Variants in NEK11 observed in about 807,000 individuals in gnomAD.
NEK11 encodes NIMA related kinase 11.
Under a neutral mutation model 80.7 loss-of-function variants are expected in NEK11, and 72 were observed. That is an observed-to-expected ratio of 0.89 (90% CI 0.74 to 1.08). NEK11 has a LOEUF of 1.08. NEK11 is among the 50% of genes least tolerant of loss of function. NEK11 has a pLI of 0.00. For synonymous variants in NEK11, 251 were observed against 260.7 expected (o/e 0.96, Z 0.36); for missense variants, 764 against 763.6 (o/e 1.00, Z -0.01).
intron 16 of NEK11, among the ~76,000 whole-genome samples, chr3:131,271,184 A>C (rs2096178017): frequency 6.6e-6 from 1 of 152,168 alleles, no homozygotes; most frequent in Non-Finnish European, 1.5e-5. Context: ...TCCAGGAGTG[A>C]GAGAAATGGG....
chr3:131,318,149 A>G (rs2096862669), intron 17 of NEK11, among the ~76,000 whole-genome samples: 1 of 152,134 alleles, frequency 6.6e-6, no homozygotes, highest in African/African-American at 2.4e-5. Context: ...GAAAAATTGA[A>G]GGAAGGTGAA....
At chr3:131,144,266 T>C (rs922776696) in intron 7 of NEK11, among the ~76,000 whole-genome samples, 8 of 152,160 alleles carry the variant, frequency 5.3e-5, no homozygotes, top group Non-Finnish European at 1.0e-4. Context: ...CTTGTATTCA[T>C]ACTCCCTCAG....
At chr3:131,178,143 G>A (rs930998411) in intron 14 of NEK11, among the ~76,000 whole-genome samples, 3 of 152,306 alleles carry the variant, frequency 2.0e-5, no homozygotes, top group African/African-American at 7.2e-5. Context: ...ACTTATGAAT[G>A]GAGCTTGCAG....
chr3:131,140,288 T>C (rs955022544), intron 7 of NEK11, among the ~76,000 whole-genome samples: 4 of 152,040 alleles, frequency 2.6e-5, no homozygotes, highest in South Asian at 2.1e-4. Flanking sequence ...GAGTGGCACA[T>C]TGAGAGACCA....
intron 14 of NEK11, among the ~76,000 whole-genome samples, chr3:131,201,487 C>A (rs1273830694): frequency 2.6e-5 from 4 of 152,100 alleles, no homozygotes; most frequent in African/African-American, 4.8e-5. Flanking sequence ...AATGAGAGAG[C>A]AAACTCTGTA....
At chr3:131,223,720 C>T (rs61029149) in intron 14 of NEK11, among the ~76,000 whole-genome samples, 7,137 of 152,090 alleles carry the variant, frequency 0.047, 462 homozygotes, top group African/African-American at 0.15. Flanking sequence ...TGTCAACCCC[C>T]CTTGCAGAGG....
Position 131,301,434 on chromosome 3 carries a change from G to A in NEK11, c.1718+27860G>A, listed in dbSNP as rs978365085. Among the ~76,000 whole-genome samples the A allele has an allele frequency of 8.0e-4, 122 of 151,626 alleles. 1 individual carries two copies. Among genetic ancestry groups the A allele is most frequent in the Non-Finnish European group, 4.0e-4 (27 of 67,902 alleles). ...TGTTGAATAGAAATGGTGAGAATGGGCATCCTTGTCTTGTTCTGTTTCTCA... is the reference window on the plus strand; with the variant it reads ...TGTTGAATAGAAATGGTGAGAATGGACATCCTTGTCTTGTTCTGTTTCTCA... On this transcript the variant is annotated intron_variant, in intron 17 of 17. Transcript: ENST00000383366.
intron 5 of NEK11, among the ~76,000 whole-genome samples, chr3:131,125,029 G>C (rs2083071524): frequency 6.6e-6 from 1 of 152,130 alleles, no homozygotes; most frequent in Non-Finnish European, 1.5e-5. Context: ...GCCTAGTGTT[G>C]CATTGTCTAG....
chr3:131,046,243 C>T lies in NEK11; in HGVS notation c.170+16365C>T, dbSNP rs77099770. Among the ~76,000 whole-genome samples the T allele has an allele frequency of 8.3e-3, 1,261 of 152,062 alleles. 17 individuals carry two copies. Among genetic ancestry groups the T allele is most frequent in the African/African-American group, 0.029 (1,190 of 41,484 alleles). On this transcript the variant is annotated intron_variant, in intron 3 of 17. Transcript: ENST00000383366. ...AAGGAGGTTCTATTTTGGTGTATTG[C>T]GAAAATGTGTTTTCAAGATATAGAA...
At position 131,165,134 on chromosome 3, in the gene NEK11, C is replaced by T. The variant is rs556752591; in HGVS notation, c.1083-292C>T. The T allele has an allele frequency of 2.2e-5, 7 of 314,674 alleles. No individual in the cohort carries two copies. In the South Asian group the frequency reaches 2.5e-4, roughly 11 times the overall value. The allele number at this position is 314,674 out of a possible 1,614,324, so 19.5% of individuals were successfully genotyped here. On this transcript the variant is annotated intron_variant, in intron 11 of 17. Transcript: ENST00000383366. ...GGCACTGTGCTAGGCATTGGGAACA[C>T]ATAGCCCTGTCATTGCACTTGGAGA...
chr3:131,053,258 C>T (rs957327745), intron 3 of NEK11: 12 of 152,202 alleles, frequency 7.9e-5, no homozygotes, highest in African/African-American at 2.9e-4. Flanking sequence ...GTCAACATTT[C>T]CAATGGCAGC....
chr3:131,325,728 G>A (rs2096956601), intron 17 of NEK11: 1 of 152,134 alleles, frequency 6.6e-6, no homozygotes, highest in Non-Finnish European at 1.5e-5. Context: ...CAATTACAAT[G>A]TACAAACATC....
chr3:131,044,713 C>T (rs1324344295), intron 3 of NEK11, among the ~76,000 whole-genome samples: 1 of 151,988 alleles, frequency 6.6e-6, no homozygotes, highest in Non-Finnish European at 1.5e-5. Context: ...GACAGATCAA[C>T]AAGACAGAAA....
intron 5 of NEK11, among the ~76,000 whole-genome samples, chr3:131,114,508 G>A (rs2080705594): frequency 6.6e-6 from 1 of 152,190 alleles, no homozygotes; most frequent in Non-Finnish European, 1.5e-5. Flanking sequence ...TGAAGGAGCA[G>A]CCCTATCCAG....
intron 17 of NEK11, among the ~76,000 whole-genome samples, chr3:131,273,949 G>C (rs2108692755): frequency 6.8e-6 from 1 of 147,360 alleles, no homozygotes; most frequent in Admixed American, 6.7e-5. Flanking sequence ...CTGTACCAGA[G>C]TGGTCTTTTT....
At chr3:131,050,165 A>C (rs1323412386) in intron 3 of NEK11, among the ~76,000 whole-genome samples, 1 of 152,244 alleles carries the variant, frequency 6.6e-6, no homozygotes, top group African/African-American at 2.4e-5. Flanking sequence ...ATAATTTATT[A>C]CCTAGTGATC....
At chr3:131,254,526 G>A (rs1213790261) in intron 16 of NEK11, among the ~76,000 whole-genome samples, 2 of 151,938 alleles carry the variant, frequency 1.3e-5, no homozygotes, top group African/African-American at 2.4e-5. Flanking sequence ...AGAATTGAGG[G>A]GTAACAATTT....
rs1432424519 is a variant in NEK11, at chr3:131,027,934, C to T, written c.-165C>T. 6.6e-6 allele frequency: 1 copy of T among 152,170 alleles called. No individual in the cohort carries two copies. Among genetic ancestry groups the T allele is most frequent in the Non-Finnish European group, 1.5e-5 (1 of 68,040 alleles). 9.4% of individuals were successfully genotyped at this position (152,170 alleles called of 1,614,324 possible). A position where few individuals can be genotyped will look rare whatever the true frequency, so the allele number is the denominator to read the frequency against. ...AATTCTGTCCTTCTCTAAAAGGAAC[C>T]TTAATCTCATCTTTAAAATAAGGAG... On this transcript the variant is annotated 5_prime_UTR_variant, in exon 2 of 18. Coordinates refer to ENST00000383366, the MANE Select transcript of NEK11 (RefSeq NM_024800.5).
intron 17 of NEK11, among the ~76,000 whole-genome samples, chr3:131,288,948 A>ATT (rs1165069070): frequency 6.6e-6 from 1 of 152,230 alleles, no homozygotes; most frequent in Admixed American, 6.5e-5. Context: ...TAAAACGGAG[A>ATT]TTAAAAACAT....
Sources: gnomAD v4.1 joint callset for allele counts (sites outside exome capture counted in the v4.1 genomes callset) on GRCh38, gnomAD v4.1.1 for gene constraint, MANE v1.5 for transcripts, NCBI Gene and HGNC (gene_info 2026-07-23, HGNC 2026-07-21) for gene names.